Variants in GLIS3 observed in about 807,000 individuals in gnomAD.
GLIS3 encodes the protein GLIS family zinc finger 3.
A neutral mutation model predicts 78.6 loss-of-function variants in GLIS3; 53 were observed. The ratio of observed to expected loss-of-function variants is 0.67; its 90% CI spans 0.54 to 0.85. The LOEUF is 0.85. GLIS3 is among the 40% of genes least tolerant of loss of function. GLIS3 has a pLI of 0.00. For missense variants in GLIS3, 1,703 were observed against 1,231.1 expected, an observed-to-expected ratio of 1.38 and a Z score of -5.74; for synonymous variants, 684 against 509.9, an observed-to-expected ratio of 1.34 and a Z score of -4.60.
the GLIS3 span, among the ~76,000 whole-genome samples, chr9:4,432,050 C>T: frequency 6.6e-6 from 1 of 152,078 alleles, no homozygotes; most frequent in Non-Finnish European, 1.5e-5. Context: ...CACAGTTTGC[C>T]GACTTCTGCT....
At chr9:4,012,326 G>C (rs1256889618) in intron 4 of GLIS3, among the ~76,000 whole-genome samples, 1 of 152,104 alleles carries the variant, frequency 6.6e-6, no homozygotes, top group Non-Finnish European at 1.5e-5. Flanking sequence ...GGAAGAGTGT[G>C]GTTAAAAGTA....
chr9:4,207,539 A>G (rs927312023), intron 2 of GLIS3, among the ~76,000 whole-genome samples: 1 of 152,256 alleles, frequency 6.6e-6, no homozygotes, highest in Non-Finnish European at 1.5e-5. Flanking sequence ...AAAGTTAATA[A>G]TAACAGCTAA....
At chr9:4,376,087 CGTTCAGAACA>C in the GLIS3 span, among the ~76,000 whole-genome samples, 7 of 152,074 alleles carry the variant, frequency 4.6e-5, no homozygotes, top group African/African-American at 1.7e-4. Context: ...GCCTTATGAT[CGTTCAGAACA>C]GTTGGGTTAG....
intron 4 of GLIS3, chr9:3,975,291 G>C (rs1426455994): frequency 6.6e-6 from 1 of 152,140 alleles, no homozygotes; most frequent in East Asian, 1.9e-4. Context: ...TACACTCCCA[G>C]GGGGGCACAG....
At chr9:3,840,541 C>T (rs941637745) in intron 9 of GLIS3, among the ~76,000 whole-genome samples, 5 of 152,136 alleles carry the variant, frequency 3.3e-5, no homozygotes, top group South Asian at 2.1e-4. Context: ...GCAAAGCACT[C>T]GAGCTATTTA....
intron 4 of GLIS3, among the ~76,000 whole-genome samples, chr9:4,074,288 G>C (rs1379585755): frequency 6.6e-6 from 1 of 152,162 alleles, no homozygotes; most frequent in Non-Finnish European, 1.5e-5. Context: ...CCATGACTTG[G>C]TGTCCTCATC....
chr9:4,244,364 C>G (rs1823600621), intron 2 of GLIS3, among the ~76,000 whole-genome samples: 1 of 152,164 alleles, frequency 6.6e-6, no homozygotes, highest in Admixed American at 6.6e-5. Flanking sequence ...TGTTTGTTCC[C>G]AAACCTGTTA....
chr9:4,208,653 A>C (rs1820092714), intron 2 of GLIS3, among the ~76,000 whole-genome samples: 1 of 152,210 alleles, frequency 6.6e-6, no homozygotes, highest in African/African-American at 2.4e-5. Flanking sequence ...AGGGAATAGT[A>C]TGTTCCGCAC....
chr9:4,321,136 C>A (rs1817517602), intron 2 of GLIS3, among the ~76,000 whole-genome samples: 1 of 151,424 alleles, frequency 6.6e-6, no homozygotes, highest in Non-Finnish European at 1.5e-5. Flanking sequence ...TTTAAAATCT[C>A]AAGGCCGGGC....
At chr9:4,038,668 A>G (rs961478065) in intron 4 of GLIS3, among the ~76,000 whole-genome samples, 23 of 152,366 alleles carry the variant, frequency 1.5e-4, no homozygotes, top group Non-Finnish European at 2.6e-4. Context: ...ATAAAAGATG[A>G]TGACTGGCCC....
chr9:4,378,235 G>C, the GLIS3 span, among the ~76,000 whole-genome samples: 2 of 151,870 alleles, frequency 1.3e-5, no homozygotes, highest in Non-Finnish European at 2.9e-5. Context: ...CCTCAGTCTG[G>C]GTTGCCAGGT....
At chr9:4,281,497 C>T (rs762578534) in intron 2 of GLIS3, among the ~76,000 whole-genome samples, 81 of 152,198 alleles carry the variant, frequency 5.3e-4, no homozygotes, top group Admixed American at 9.2e-4. Context: ...ATGAATTTGA[C>T]CATTCCAGGA....
chr9:4,195,665 T>A (rs1260436112), intron 2 of GLIS3, among the ~76,000 whole-genome samples: 1 of 152,258 alleles, frequency 6.6e-6, no homozygotes, highest in Non-Finnish European at 1.5e-5. Flanking sequence ...GCCCAAGGGC[T>A]ATGGCATGGC....
intron 2 of GLIS3, among the ~76,000 whole-genome samples, chr9:4,213,081 T>A (rs533530773): frequency 6.6e-6 from 1 of 152,316 alleles, no homozygotes; most frequent in Admixed American, 6.5e-5. Context: ...AGTGGCTTGC[T>A]CCTACGTGCC....
chr9:4,318,354 C>G (rs887022772), intron 2 of GLIS3, among the ~76,000 whole-genome samples: 1 of 151,996 alleles, frequency 6.6e-6, no homozygotes, highest in African/African-American at 2.4e-5. Context: ...CACCTAGGGC[C>G]CAGAGTTTCG....
intron 2 of GLIS3, among the ~76,000 whole-genome samples, chr9:4,133,810 C>G (rs1833154322): frequency 6.7e-6 from 1 of 149,708 alleles, no homozygotes; most frequent in African/African-American, 2.5e-5. Flanking sequence ...TGATGCCTTC[C>G]TGCCCAAGAC....
chr9:4,217,638 G>C (rs1180805873), intron 2 of GLIS3, among the ~76,000 whole-genome samples: 1 of 152,164 alleles, frequency 6.6e-6, no homozygotes, highest in Non-Finnish European at 1.5e-5. Context: ...ATATTTTAGA[G>C]TGCTGAACTC....
intron 2 of GLIS3, among the ~76,000 whole-genome samples, chr9:4,312,469 A>G (rs941291965): frequency 1.3e-5 from 2 of 152,232 alleles, no homozygotes; most frequent in African/African-American, 2.4e-5. Flanking sequence ...CTTTGTCTCA[A>G]AAAGAAAAAA....
chr9:3,870,141 T>G (rs1314947589), intron 8 of GLIS3, among the ~76,000 whole-genome samples: 1 of 152,208 alleles, frequency 6.6e-6, no homozygotes, highest in Non-Finnish European at 1.5e-5. Context: ...TTTGACCCTT[T>G]AGCATCCAGG....
Sources: gnomAD v4.1 joint callset for allele counts (sites outside exome capture counted in the v4.1 genomes callset) on GRCh38, gnomAD v4.1.1 for gene constraint, MANE v1.5 for transcripts, NCBI Gene and HGNC (gene_info 2026-07-23, HGNC 2026-07-21) for gene names.